RNLS: variants seen among roughly 807,000 people sequenced by gnomAD.
RNLS encodes the protein renalase, FAD dependent amine oxidase, also known as renalase.
In RNLS, 39 loss-of-function variants were observed where a neutral mutation model predicts 39.8. The ratio of observed to expected loss-of-function variants is 0.98; its 90% CI spans 0.76 to 1.28. RNLS has a LOEUF of 1.28. Among genes scored for constraint, RNLS ranks in the 50% most tolerant of loss-of-function variants. The pLI is 0.00. For missense variants in RNLS, 410 were observed against 413.3 expected, an observed-to-expected ratio of 0.99 and a Z score of 0.07; for synonymous variants, 147 against 150.7, an observed-to-expected ratio of 0.98 and a Z score of 0.18.
chr10:88,352,500 G>A (rs1475527327), intron 5 of RNLS, among the ~76,000 whole-genome samples: 1 of 152,168 alleles, frequency 6.6e-6, no homozygotes, highest in African/African-American at 2.4e-5. Context: ...GCTGGATTAC[G>A]TTTATTGATT....
At chr10:88,536,092 G>T (rs1479512840) in intron 4 of RNLS, among the ~76,000 whole-genome samples, 2 of 152,070 alleles carry the variant, frequency 1.3e-5, no homozygotes, top group East Asian at 1.9e-4. Context: ...CCTAACAATA[G>T]GTGCAATACC....
intron 4 of RNLS, among the ~76,000 whole-genome samples, chr10:88,440,335 C>A (rs1841641572): frequency 1.3e-5 from 2 of 152,194 alleles, no homozygotes; most frequent in South Asian, 4.1e-4. Context: ...CTCCTCCAAT[C>A]AAAGCACTAG....
At chr10:88,404,116 GA>G (rs1342590716) in intron 4 of RNLS, among the ~76,000 whole-genome samples, 1 of 151,980 alleles carries the variant, frequency 6.6e-6, no homozygotes, top group East Asian at 1.9e-4. Flanking sequence ...TAAGATTGTG[GA>G]ATTTACAACA....
chr10:88,325,869 G>A (rs2133125168), intron 5 of RNLS, among the ~76,000 whole-genome samples: 1 of 152,148 alleles, frequency 6.6e-6, no homozygotes, highest in Middle Eastern at 3.4e-3. Context: ...TTCCCTTCAT[G>A]CTGTTCTTGT....
At chr10:88,405,314 C>T (rs2133666303) in intron 4 of RNLS, among the ~76,000 whole-genome samples, 1 of 152,118 alleles carries the variant, frequency 6.6e-6, no homozygotes, top group Middle Eastern at 3.4e-3. Flanking sequence ...CTCCCCTGAA[C>T]TATCATAATT....
intron 6 of RNLS, among the ~76,000 whole-genome samples, chr10:88,304,495 T>C (rs1287792033): frequency 1.3e-5 from 2 of 152,104 alleles, no homozygotes; most frequent in Non-Finnish European, 2.9e-5. Flanking sequence ...GAAAATAACA[T>C]AACTGACCTG....
chr10:88,328,963 A>G (rs1321357092), intron 5 of RNLS, among the ~76,000 whole-genome samples: 1 of 152,142 alleles, frequency 6.6e-6, no homozygotes, highest in Non-Finnish European at 1.5e-5. Context: ...TTTGTGAAAT[A>G]TAATTTTTCT....
intron 4 of RNLS, among the ~76,000 whole-genome samples, chr10:88,512,800 T>A (rs1171358235): frequency 6.6e-6 from 1 of 152,158 alleles, no homozygotes; most frequent in African/African-American, 2.4e-5. Context: ...GACTTCTCTG[T>A]CTGGAATGCC....
chr10:88,399,911 A>G (rs1168213471), intron 4 of RNLS, among the ~76,000 whole-genome samples: 1 of 152,060 alleles, frequency 6.6e-6, no homozygotes, highest in Non-Finnish European at 1.5e-5. Context: ...TCACTGTCCC[A>G]GAAGGATCTA....
rs75265512 is a variant in RNLS, at chr10:88,371,372, C to T, written c.527-8647G>A. On this transcript the variant is annotated intron_variant, in intron 4 of 6. Coordinates refer to ENST00000331772, the MANE Select transcript of RNLS (RefSeq NM_001031709.3). ...ATCCTAATAGTCAAGCATATCAGGA[C>T]GATACTAAATCAAAGACACGTCTTT... is the stretch of plus-strand genomic sequence containing the variant. Among the ~76,000 whole-genome samples the T allele has an allele frequency of 2.0e-3, 298 of 152,116 alleles. 13 individuals carry two copies. In the East Asian group the frequency reaches 0.052, roughly 27 times the overall value.
At chr10:88,334,568 C>A (rs1292862721) in intron 5 of RNLS, among the ~76,000 whole-genome samples, 3 of 152,170 alleles carry the variant, frequency 2.0e-5, no homozygotes, top group African/African-American at 7.2e-5. Flanking sequence ...ATGGGAAATG[C>A]AGATTTCAGA....
chr10:88,497,212 A>G (rs1686670959), intron 4 of RNLS, among the ~76,000 whole-genome samples: 1 of 152,142 alleles, frequency 6.6e-6, no homozygotes, highest in Admixed American at 6.6e-5. Context: ...ACTTAACAGT[A>G]ATACAGATAA....
intron 4 of RNLS, among the ~76,000 whole-genome samples, chr10:88,505,946 T>G (rs952581922): frequency 6.6e-6 from 1 of 152,144 alleles, no homozygotes; most frequent in African/African-American, 2.4e-5. Flanking sequence ...CTTACAGACT[T>G]ACTTGTTAAA....
chr10:88,449,557 T>G (rs1842247401), intron 4 of RNLS, among the ~76,000 whole-genome samples: 1 of 152,208 alleles, frequency 6.6e-6, no homozygotes, highest in Non-Finnish European at 1.5e-5. Context: ...CATGAACTCA[T>G]GAAGGGCAAG....
At chr10:88,245,831 C>T in the RNLS span, among the ~76,000 whole-genome samples, 32 of 152,126 alleles carry the variant, frequency 2.1e-4, no homozygotes, top group Non-Finnish European at 3.5e-4. Context: ...ATTGCAAAAC[C>T]GAAGGCTTGA....
intron 4 of RNLS, among the ~76,000 whole-genome samples, chr10:88,519,733 CACAT>C (rs1394795367): frequency 6.7e-6 from 1 of 149,900 alleles, no homozygotes; most frequent in Non-Finnish European, 1.5e-5. Flanking sequence ...TGATATATAT[CACAT>C]ATATATGATA....
chr10:88,404,304 C>G (rs557948891), intron 4 of RNLS, among the ~76,000 whole-genome samples: 2 of 152,036 alleles, frequency 1.3e-5, no homozygotes, highest in Non-Finnish European at 2.9e-5. Context: ...TGCCTCTGTT[C>G]CCAAGAATCT....
chr10:88,456,291 A>G (rs1488013294), intron 4 of RNLS, among the ~76,000 whole-genome samples: 1 of 151,624 alleles, frequency 6.6e-6, no homozygotes, highest in Non-Finnish European at 1.5e-5. Context: ...TTTTATTACT[A>G]TTACAACTTT....
intron 6 of RNLS, among the ~76,000 whole-genome samples, chr10:88,287,097 C>T (rs1435970445): frequency 6.6e-6 from 1 of 152,046 alleles, no homozygotes; most frequent in East Asian, 1.9e-4. Context: ...CTTACAGAGC[C>T]TGCAGTTTTC....
Sources: gnomAD v4.1 joint callset for allele counts (sites outside exome capture counted in the v4.1 genomes callset) on GRCh38, gnomAD v4.1.1 for gene constraint, MANE v1.5 for transcripts, NCBI Gene and HGNC (gene_info 2026-07-23, HGNC 2026-07-21) for gene names.